The following ABLIM2 variants were observed in gnomAD, a reference collection of about 807,000 sequenced individuals.
ABLIM2 encodes actin binding LIM protein family member 2.
Under a neutral mutation model 97.7 loss-of-function variants are expected in ABLIM2, and 53 were observed. That is an observed-to-expected ratio of 0.54 (90% confidence interval 0.44 to 0.68). The LOEUF (loss-of-function observed/expected upper bound fraction) is 0.68, where lower values mean the gene tolerates loss of function less well. Ranked by LOEUF, ABLIM2 falls within the 30% of genes least tolerant of loss-of-function variation. The pLI, the probability that ABLIM2 is intolerant of heterozygous loss-of-function variation, is 0.00. For missense variants in ABLIM2, 835 were observed against 867.2 expected, an observed-to-expected ratio of 0.96 and a Z score of 0.47; for synonymous variants, 361 against 345.8, an observed-to-expected ratio of 1.04 and a Z score of -0.49.
chr4:8,037,826 G>T (rs928131331), intron 9 of ABLIM2, among the ~76,000 whole-genome samples: 1 of 152,226 alleles, frequency 6.6e-6, no homozygotes, highest in Non-Finnish European at 1.5e-5. Flanking sequence ...CCACAGTGGC[G>T]CTCCTGCCCT....
At chr4:8,029,034 AG>A (rs1404498916) in intron 11 of ABLIM2, among the ~76,000 whole-genome samples, 1 of 152,122 alleles carries the variant, frequency 6.6e-6, no homozygotes, top group Non-Finnish European at 1.5e-5. Flanking sequence ...CAGGGGGTCG[AG>A]GAGTTTCACA....
intron 12 of ABLIM2, among the ~76,000 whole-genome samples, chr4:8,024,918 T>G (rs11726869): frequency 0.16 from 24,995 of 152,052 alleles, 2,119 homozygotes; most frequent in Middle Eastern, 0.3. Flanking sequence ...AGGTGGCTTT[T>G]TGTGATTTCT....
chr4:7,976,828 TACACAC>T (rs1402245023), intron 20 of ABLIM2, among the ~76,000 whole-genome samples: 1 of 151,464 alleles, frequency 6.6e-6, no homozygotes, highest in East Asian at 1.9e-4. Context: ...TAGACGCACA[TACACAC>T]ATGCACACAC....
rs1821231833 is a variant in ABLIM2, at chr4:8,083,452, TCTG to T, written c.455-2653_455-2651del. 6.6e-6 allele frequency among the ~76,000 whole-genome samples: 1 copy of T among 152,184 alleles called. No homozygotes were observed. Among genetic ancestry groups the T allele is most frequent in the African/African-American group, 2.4e-5 (1 of 41,452 alleles). ...ATGCCTTTATGGGCATCTCCGCCAC[TCTG>T]CCTCCTACCATATTGGCCGGCGCCC... On this transcript the variant is annotated intron_variant, in intron 4 of 20. Coordinates refer to ENST00000447017, the MANE Select transcript of ABLIM2 (RefSeq NM_001130083.2). This position sits in a 1 kb window ranked among gnomAD's most constrained non-coding sequence, Gnocchi z 4.6.
At chr4:8,097,642 G>A (rs995907533) in intron 2 of ABLIM2, among the ~76,000 whole-genome samples, 24 of 152,312 alleles carry the variant, frequency 1.6e-4, no homozygotes, top group African/African-American at 5.1e-4. Context: ...GTCCTCCAGT[G>A]GGCTGTTTCC....
At chr4:8,084,729 C>T (rs920874633) in intron 4 of ABLIM2, among the ~76,000 whole-genome samples, 2 of 152,216 alleles carry the variant, frequency 1.3e-5, no homozygotes, top group African/African-American at 2.4e-5. Context: ...TGCTTGCCAT[C>T]CCTTTTCCCC....
At chr4:8,060,906 T>A (rs1217596502) in intron 7 of ABLIM2, 61 bp downstream of exon 7, 2 of 1,384,470 alleles carry the variant, frequency 1.4e-6, no homozygotes, top group African/African-American at 2.9e-5. Context: ...AGCATGTGTG[T>A]GGACATCGAA....
At chr4:7,990,979 G>A (rs995229740) in intron 17 of ABLIM2, among the ~76,000 whole-genome samples, 4 of 152,206 alleles carry the variant, frequency 2.6e-5, no homozygotes, top group African/African-American at 4.8e-5. Flanking sequence ...TGAGTTCTGC[G>A]CATATCAGCT....
Position 8,125,585 on chromosome 4 carries a change from TG to T in ABLIM2, c.11-18949del, listed in dbSNP as rs1847509763. Among the ~76,000 whole-genome samples the T allele has an allele frequency of 6.6e-6, 1 of 152,138 alleles. No homozygotes were observed. Among genetic ancestry groups the T allele is most frequent in the African/African-American group, 2.4e-5 (1 of 41,430 alleles). ...CAGTGCTGATGGCCACAGGTTTGCA[TG>T]GGGCCTCGGTGCCGGGGCTGCTTCT... On this transcript the variant is annotated intron_variant, in intron 1 of 20. Coordinates refer to ENST00000447017, the MANE Select transcript of ABLIM2 (RefSeq NM_001130083.2). This position sits in a 1 kb window ranked among gnomAD's most constrained non-coding sequence, Gnocchi z 6.2.
intron 20 of ABLIM2, among the ~76,000 whole-genome samples, chr4:7,971,263 G>C (rs962225219): frequency 1.3e-5 from 2 of 152,176 alleles, no homozygotes; most frequent in East Asian, 1.9e-4. Flanking sequence ...TGACCCCAGA[G>C]ACTGGGCCAG....
rs1252132704 is a variant in ABLIM2, at chr4:8,045,261, G to A, written c.823-20C>T. 3.7e-6 allele frequency: 6 copies of A among 1,606,056 alleles called. No homozygotes were observed. The African/African-American group carries it at 8.0e-5, about 21-fold the overall frequency. ...GGTTTCCTGAGAAAGGAGAGAGGAAGAGATTGAAGGCAGGTACCAACATTC... is the reference window on the plus strand; with the variant it reads ...GGTTTCCTGAGAAAGGAGAGAGGAAAAGATTGAAGGCAGGTACCAACATTC... On this transcript the variant is annotated intron_variant, in intron 8 of 20. Coordinates refer to ENST00000447017, the MANE Select transcript of ABLIM2 (RefSeq NM_001130083.2).
chr4:8,090,748 A>C (rs1826800048), intron 3 of ABLIM2, among the ~76,000 whole-genome samples: 1 of 150,758 alleles, frequency 6.6e-6, no homozygotes, highest in East Asian at 1.9e-4. Context: ...CAGAGCACAT[A>C]GTCTTTGGTG....
chr4:7,983,353 G>T lies in ABLIM2; in HGVS notation c.1744-9C>A. ...GAGTCATACGGATAGATCTGTTGGG[G>T]GAGGAAACCACAGGGTCACCTCACG... On this transcript the variant is annotated splice_polypyrimidine_tract_variant and intron_variant, in intron 19 of 20. Transcript: ENST00000447017. The T allele has an allele frequency of 1.9e-6, 3 of 1,610,314 alleles. No individual in the cohort carries two copies. Among genetic ancestry groups the T allele is most frequent in the Non-Finnish European group, 2.5e-6 (3 of 1,178,568 alleles).
chr4:7,989,234 A>G (rs1223975555), intron 17 of ABLIM2, among the ~76,000 whole-genome samples: 1 of 152,050 alleles, frequency 6.6e-6, no homozygotes, highest in Non-Finnish European at 1.5e-5. Context: ...ATGTGCTACC[A>G]TGACTGGCTA....
chr4:8,131,663 T>G (rs147486382), intron 1 of ABLIM2, among the ~76,000 whole-genome samples: 1,978 of 61,538 alleles, frequency 0.032, 15 homozygotes, highest in Middle Eastern at 0.077. Context: ...CAGCACAGCA[T>G]CCCGCATCCC....
chr4:8,141,453 T>C (rs552284080), intron 1 of ABLIM2, among the ~76,000 whole-genome samples: 1 of 152,342 alleles, frequency 6.6e-6, no homozygotes, highest in Admixed American at 6.5e-5. Context: ...ACCCAGGGAA[T>C]GATCTTTGCC....
At chr4:8,126,197 G>A (rs1303067232) in intron 1 of ABLIM2, among the ~76,000 whole-genome samples, 2 of 152,182 alleles carry the variant, frequency 1.3e-5, no homozygotes, top group African/African-American at 2.4e-5. Context: ...GTTCCTCTGT[G>A]CAGGGCAGAA....
chr4:8,076,591 C>A, intron 6 of ABLIM2, among the ~76,000 whole-genome samples: 1 of 151,974 alleles, frequency 6.6e-6, no homozygotes, highest in East Asian at 1.9e-4. Context: ...GAGGGGCTCC[C>A]ACACCAGGCA....
rs889127386 is a variant in ABLIM2, at chr4:7,998,217, T to C, written c.1619-5290A>G. On this transcript the variant is annotated intron_variant, in intron 16 of 20. Transcript: ENST00000447017. This position sits in a 1 kb window ranked among gnomAD's most constrained non-coding sequence, Gnocchi z 6.4. ...TGTCTTTTTTCATTCAAATCATTGA[T>C]CTTCGGTGTTCTTGGTGTGACGGGT... Among the ~76,000 whole-genome samples, 3 of 152,086 alleles carry C rather than the reference T, an allele frequency of 2.0e-5. No homozygotes were observed. The highest frequency in any genetic ancestry group is 6.6e-5 in the Admixed American group (1 of 15,260).
Sources: allele counts gnomAD v4.1 joint callset (sites outside exome capture counted in the v4.1 genomes callset), GRCh38; gene constraint gnomAD v4.1.1; non-coding constraint Gnocchi (gnomAD v3.1); transcripts MANE v1.5; gene names NCBI Gene and HGNC (gene_info 2026-07-23, HGNC 2026-07-21).